Variants in ARSB observed in about 807,000 individuals in gnomAD.
ARSB encodes arylsulfatase B.
A neutral mutation model predicts 50.9 loss-of-function variants in ARSB; 41 were observed. The ratio of observed to expected loss-of-function variants is 0.81; its 90% CI spans 0.63 to 1.04. The LOEUF (loss-of-function observed/expected upper bound fraction) is 1.04. Ranked by LOEUF, ARSB falls within the 50% of genes least tolerant of loss-of-function variation. The pLI, the probability that ARSB is intolerant of heterozygous loss-of-function variation, is 0.00. For missense variants in ARSB, 672 were observed against 693.3 expected (o/e 0.97, Z 0.35); for synonymous variants, 269 against 284.8 (o/e 0.94, Z 0.56).
chr5:78,969,768 C>G (rs936329762), intron 1 of ARSB, among the ~76,000 whole-genome samples: 5 of 152,150 alleles, frequency 3.3e-5, no homozygotes, highest in Admixed American at 6.5e-5. Flanking sequence ...AGGCGCCCAC[C>G]ACCATACCTA....
Position 78,980,744 on chromosome 5 carries a change from G to GTGTGTGTGTGTGTGTA in ARSB, c.312+4192_312+4193insTACACACACACACACA, listed in dbSNP as rs57536545. Reference sequence around the variant, plus strand: ...TAAGGAAGTGTGTGTATGTGTGTGTGTGTGTGTGTGTTTTGGTAGATTTTC... The same window carrying GTGTGTGTGTGTGTGTA: ...TAAGGAAGTGTGTGTATGTGTGTGTGTGTGTGTGTGTGTGTATGTGTGTGTGTTTTGGTAGATTTTC... On this transcript the variant is annotated intron_variant, in intron 1 of 7. Transcript: ENST00000264914. Among the ~76,000 whole-genome samples, 1,026 of 151,606 alleles carry GTGTGTGTGTGTGTGTA rather than the reference G, an allele frequency of 6.8e-3. 7 individuals carry two copies. The highest frequency in any genetic ancestry group is 0.02 in the African/African-American group (817 of 41,366).
intron 5 of ARSB, among the ~76,000 whole-genome samples, chr5:78,869,697 C>T (rs925203470): frequency 6.7e-6 from 1 of 149,882 alleles, no homozygotes; most frequent in Non-Finnish European, 1.5e-5. Flanking sequence ...ACTAAATGCC[C>T]ACAAGAGAAA....
At chr5:78,851,371 T>TGAGTGAG (rs1745769074) in intron 5 of ARSB, among the ~76,000 whole-genome samples, 1 of 152,220 alleles carries the variant, frequency 6.6e-6, no homozygotes, top group South Asian at 2.1e-4. Flanking sequence ...TGAGCAGTTT[T>TGAGTGAG]GAGTGAGTTT....
At chr5:78,952,293 G>GA (rs1295606615) in intron 4 of ARSB, among the ~76,000 whole-genome samples, 1 of 151,746 alleles carries the variant, frequency 6.6e-6, no homozygotes, top group Non-Finnish European at 1.5e-5. Flanking sequence ...CAAATATCAT[G>GA]AAAAAAATTG....
chr5:78,839,367 T>C lies in ARSB; in HGVS notation c.1202A>G (p.Asp401Gly), dbSNP rs1042570546. The change falls in exon 6 of 8, where the codon GAC becomes GGC. Residue 401 changes from aspartate to glycine, a missense_variant. Physicochemically the swap from Asp to Gly is moderately conservative, Grantham distance 94 (BLOSUM62 -1). Transcript: ENST00000264914. ...GCACTGGTACTCACACGGTGAAGAG[T>C]CCACGAAGTTCGGGTCAATATTATG... ...LLHNIDPNFV[D>G]SSPCPRNSMA... The C allele has an allele frequency of 7.4e-6, 12 of 1,613,536 alleles. No homozygotes were observed. The African/African-American group carries it at 1.6e-4, about 22-fold the overall frequency.
chr5:78,805,072 A>T (rs1439629386), intron 6 of ARSB, among the ~76,000 whole-genome samples: 2 of 152,216 alleles, frequency 1.3e-5, no homozygotes, highest in African/African-American at 4.8e-5. Flanking sequence ...TCACAGACTT[A>T]CTCAAATGAG....
chr5:78,978,801 A>G (rs1204950326), intron 1 of ARSB, among the ~76,000 whole-genome samples: 1 of 152,238 alleles, frequency 6.6e-6, no homozygotes, highest in Non-Finnish European at 1.5e-5. Context: ...ACATGCATCC[A>G]CATACCTCAA....
At chr5:78,810,658 T>C (rs1257048860) in intron 6 of ARSB, among the ~76,000 whole-genome samples, 1 of 152,206 alleles carries the variant, frequency 6.6e-6, no homozygotes, top group Non-Finnish European at 1.5e-5. Flanking sequence ...TTTGAGTTTT[T>C]ATTTAGGATG....
At chr5:78,822,237 A>G (rs543322385) in intron 6 of ARSB, among the ~76,000 whole-genome samples, 3 of 152,378 alleles carry the variant, frequency 2.0e-5, no homozygotes, top group African/African-American at 7.2e-5. Context: ...AAGTTTGAGG[A>G]ATAACATTGA....
At chr5:78,978,686 G>A (rs1400220014) in intron 1 of ARSB, among the ~76,000 whole-genome samples, 1 of 152,214 alleles carries the variant, frequency 6.6e-6, no homozygotes, top group Admixed American at 6.5e-5. Flanking sequence ...GAATAGAATT[G>A]TAAGTCATAC....
At chr5:78,937,498 G>C (rs1026613500) in intron 4 of ARSB, among the ~76,000 whole-genome samples, 1 of 146,846 alleles carries the variant, frequency 6.8e-6, no homozygotes, top group Non-Finnish European at 1.5e-5. Context: ...TCATAGAAAG[G>C]CCACAGTGCT....
chr5:78,846,430 A>G (rs895753204), intron 5 of ARSB, among the ~76,000 whole-genome samples: 2 of 152,086 alleles, frequency 1.3e-5, no homozygotes, highest in Non-Finnish European at 2.9e-5. Context: ...ATTGGTATTT[A>G]GATAGGGATT....
chr5:78,930,342 A>T (rs187270820), intron 4 of ARSB, among the ~76,000 whole-genome samples: 6 of 152,314 alleles, frequency 3.9e-5, no homozygotes, highest in Admixed American at 3.9e-4. Context: ...ACGGCAATGG[A>T]TGTCATTCTT....
At chr5:78,851,908 G>C (rs1192488708) in intron 5 of ARSB, among the ~76,000 whole-genome samples, 2 of 151,870 alleles carry the variant, frequency 1.3e-5, no homozygotes, top group South Asian at 2.1e-4. Flanking sequence ...TTTTCCATTT[G>C]CTTGGTAGAT....
intron 5 of ARSB, among the ~76,000 whole-genome samples, chr5:78,851,780 C>G (rs1745803378): frequency 1.3e-5 from 2 of 152,196 alleles, no homozygotes; most frequent in Non-Finnish European, 2.9e-5. Context: ...ATAGTTAGCT[C>G]TTCTTGTTGA....
chr5:78,811,592 A>G (rs1300178585), intron 6 of ARSB, among the ~76,000 whole-genome samples: 1 of 152,226 alleles, frequency 6.6e-6, no homozygotes, highest in Admixed American at 6.5e-5. Flanking sequence ...TGAAGAAATA[A>G]CCATGTTAAC....
intron 4 of ARSB, among the ~76,000 whole-genome samples, chr5:78,931,841 C>A (rs1750339764): frequency 6.6e-6 from 1 of 152,044 alleles, no homozygotes; most frequent in South Asian, 2.1e-4. Context: ...GGCTGGTTCT[C>A]CCATGCTGTT....
intron 1 of ARSB, among the ~76,000 whole-genome samples, chr5:78,984,496 G>A (rs1368098435): frequency 1.3e-5 from 2 of 152,154 alleles, no homozygotes; most frequent in East Asian, 1.9e-4. Context: ...ACCTATCACC[G>A]CTGGGTTCCC....
chr5:78,783,917 A>G (rs1222114725), intron 6 of ARSB, among the ~76,000 whole-genome samples: 2 of 152,232 alleles, frequency 1.3e-5, no homozygotes, highest in African/African-American at 4.8e-5. Context: ...AAACAAAGGG[A>G]AAATTACAAA....
Sources: allele counts gnomAD v4.1 joint callset (sites outside exome capture counted in the v4.1 genomes callset), GRCh38; gene constraint gnomAD v4.1.1; transcripts MANE v1.5; gene names NCBI Gene and HGNC (gene_info 2026-07-23, HGNC 2026-07-21).